TAFA5: variants seen among roughly 807,000 people sequenced by gnomAD.
TAFA5 encodes chemokine-like protein TAFA-5.
In TAFA5, 6 loss-of-function variants were observed where a neutral mutation model predicts 15.3. That is an observed-to-expected ratio of 0.39 (90% CI 0.21 to 0.77). TAFA5 has a LOEUF of 0.77. TAFA5 is among the 30% of genes least tolerant of loss of function. The probability of loss-of-function intolerance (pLI) is 0.41; values close to 1 mark genes in which losing one functional copy is unlikely to be tolerated. For missense variants in TAFA5, 161 were observed against 193.1 expected (o/e 0.83, Z 0.98); for synonymous variants, 103 against 80.7 (o/e 1.28, Z -1.48).
intron 1 of TAFA5, among the ~76,000 whole-genome samples, chr22:48,608,178 A>T (rs1456164975): frequency 1.7e-5 from 2 of 120,684 alleles, no homozygotes; most frequent in African/African-American, 6.7e-5. Flanking sequence ...CCCACCACCG[A>T]CGCTGATTTT....
rs562240956 is a variant in TAFA5, at chr22:48,698,015, G to A, written c.263-9702G>A. Among the ~76,000 whole-genome samples the A allele has an allele frequency of 1.8e-4, 28 of 151,818 alleles. No individual in the cohort carries two copies. In the East Asian group the frequency reaches 3.7e-3, roughly 20 times the overall value. ...AGGATGGTGAGCATGATGGTGCGAC[G>A]ATGATGGTGAAGATAATGGTGGCGA... On this transcript the variant is annotated intron_variant, in intron 2 of 3. Coordinates refer to ENST00000402357, the MANE Select transcript of TAFA5 (RefSeq NM_001082967.3).
At chr22:48,732,298 T>C (rs1413224511) in intron 3 of TAFA5, among the ~76,000 whole-genome samples, 1 of 152,156 alleles carries the variant, frequency 6.6e-6, no homozygotes, top group Non-Finnish European at 1.5e-5. Context: ...TCACCCAGGC[T>C]GGAGTGCAGT....
At chr22:48,694,797 CA>C (rs1273266731) in intron 2 of TAFA5, among the ~76,000 whole-genome samples, 139 of 88,174 alleles carry the variant, frequency 1.6e-3, no homozygotes, top group African/African-American at 5.2e-3. Flanking sequence ...CCCACCGCTC[CA>C]GACCTCCGCC....
At chr22:48,569,525 A>T (rs1923513189) in intron 1 of TAFA5, among the ~76,000 whole-genome samples, 2 of 152,242 alleles carry the variant, frequency 1.3e-5, no homozygotes, top group African/African-American at 4.8e-5. Flanking sequence ...CACGGGGTGC[A>T]TAGCATTCCT....
intron 1 of TAFA5, among the ~76,000 whole-genome samples, chr22:48,645,588 G>T (rs571288839): frequency 6.6e-6 from 1 of 152,102 alleles, no homozygotes; most frequent in East Asian, 1.9e-4. Context: ...CTGCCCCCGG[G>T]GTCCTTCCTG....
intron 1 of TAFA5, among the ~76,000 whole-genome samples, chr22:48,591,686 G>A (rs1355384094): frequency 6.6e-6 from 1 of 152,000 alleles, no homozygotes; most frequent in Non-Finnish European, 1.5e-5. Flanking sequence ...GCCGGAGCCT[G>A]GGCCTGACCC....
At chr22:48,695,627 A>G (rs1300648197) in intron 2 of TAFA5, among the ~76,000 whole-genome samples, 1 of 152,156 alleles carries the variant, frequency 6.6e-6, no homozygotes, top group Non-Finnish European at 1.5e-5. Flanking sequence ...GTGACGTCAG[A>G]CCAAGGAACA....
At chr22:48,633,351 G>A (rs541697764) in intron 1 of TAFA5, among the ~76,000 whole-genome samples, 7 of 152,334 alleles carry the variant, frequency 4.6e-5, no homozygotes, top group African/African-American at 1.7e-4. Context: ...TTGGAGAGAG[G>A]GGGCCAGCGG....
intron 2 of TAFA5, among the ~76,000 whole-genome samples, chr22:48,703,203 CAT>C (rs749927354): frequency 1.3e-5 from 2 of 151,906 alleles, no homozygotes; most frequent in Admixed American, 6.6e-5. Context: ...GTGGTGTATA[CAT>C]GTGTGTGATG....
intron 1 of TAFA5, among the ~76,000 whole-genome samples, chr22:48,542,522 C>A (rs1480007385): frequency 1.8e-5 from 1 of 55,556 alleles, no homozygotes; most frequent in Non-Finnish European, 3.2e-5. Context: ...TGTGTGTGTG[C>A]ATGTGTGGTG....
chr22:48,616,881 C>T (rs1161013287), intron 1 of TAFA5, among the ~76,000 whole-genome samples: 2 of 152,110 alleles, frequency 1.3e-5, no homozygotes, highest in Non-Finnish European at 2.9e-5. Flanking sequence ...GGGGTGGGAG[C>T]GTCTTGTCCG....
intron 1 of TAFA5, among the ~76,000 whole-genome samples, chr22:48,584,343 C>T (rs1924242594): frequency 6.7e-6 from 1 of 150,026 alleles, no homozygotes; most frequent in Non-Finnish European, 1.5e-5. Context: ...ATATCACACA[C>T]ACCACACACA....
intron 2 of TAFA5, among the ~76,000 whole-genome samples, chr22:48,672,715 C>G (rs1927839916): frequency 1.3e-5 from 2 of 152,316 alleles, no homozygotes; most frequent in African/African-American, 4.8e-5. Context: ...TGCATCATTG[C>G]ATGACATCTA....
intron 3 of TAFA5, among the ~76,000 whole-genome samples, chr22:48,708,818 G>A (rs1929163121): frequency 6.6e-6 from 1 of 152,336 alleles, no homozygotes; most frequent in East Asian, 1.9e-4. Flanking sequence ...ACAGGGAGAG[G>A]GGGCTGCAGC....
At chr22:48,641,536 A>C (rs552899184) in intron 1 of TAFA5, among the ~76,000 whole-genome samples, 141 of 129,034 alleles carry the variant, frequency 1.1e-3, no homozygotes, top group Non-Finnish European at 9.4e-4. Flanking sequence ...TCCCCACTGC[A>C]CTCCCTCCCC....
At chr22:48,527,930 G>A (rs1383574794) in intron 1 of TAFA5, among the ~76,000 whole-genome samples, 2 of 152,222 alleles carry the variant, frequency 1.3e-5, no homozygotes, top group African/African-American at 4.8e-5. Flanking sequence ...TCCCAGGCGC[G>A]CTCTTCTTCA....
At chr22:48,698,905 G>C (rs182076841) in intron 2 of TAFA5, among the ~76,000 whole-genome samples, 2 of 146,400 alleles carry the variant, frequency 1.4e-5, no homozygotes, top group Admixed American at 6.9e-5. Flanking sequence ...CCAGAGCCCT[G>C]TTCCTCAGAC....
intron 1 of TAFA5, among the ~76,000 whole-genome samples, chr22:48,637,389 T>C (rs1926488344): frequency 6.6e-6 from 1 of 152,290 alleles, no homozygotes; most frequent in South Asian, 2.1e-4. Flanking sequence ...AGCTCTGATG[T>C]CTCAGTTCGA....
At chr22:48,735,693 GGA>G (rs541955110) in intron 3 of TAFA5, among the ~76,000 whole-genome samples, 8 of 152,248 alleles carry the variant, frequency 5.3e-5, no homozygotes, top group African/African-American at 1.9e-4. Flanking sequence ...TGAAAATGAT[GGA>G]GTTACCAAGG....
Sources: gnomAD v4.1 joint callset for allele counts (sites outside exome capture counted in the v4.1 genomes callset) on GRCh38, gnomAD v4.1.1 for gene constraint, MANE v1.5 for transcripts, NCBI Gene and HGNC (gene_info 2026-07-23, HGNC 2026-07-21) for gene names.